NBAS: variants seen among roughly 807,000 people sequenced by gnomAD.
NBAS encodes the protein NAG/BC035112 fusion.
NBAS carries 219 observed loss-of-function variants against 302.5 expected under a neutral mutation model. That is an observed-to-expected ratio of 0.72 (90% CI 0.65 to 0.81). The LOEUF is 0.81. Among genes scored for constraint, NBAS ranks in the 30% least tolerant of loss-of-function variants. The pLI, the probability that NBAS is intolerant of heterozygous loss-of-function variation, is 0.00. For missense variants in NBAS, 2,932 were observed against 2,841.6 expected, an observed-to-expected ratio of 1.03 and a Z score of -0.72; for synonymous variants, 1,118 against 1,021.6, an observed-to-expected ratio of 1.09 and a Z score of -1.80.
intron 40 of NBAS, among the ~76,000 whole-genome samples, chr2:15,298,480 G>C (rs918100835): frequency 6.6e-6 from 1 of 152,090 alleles, no homozygotes; most frequent in Non-Finnish European, 1.5e-5. Context: ...TAAAACTGAA[G>C]CAATTTCTTC....
At chr2:14,943,146 T>C in the NBAS span, among the ~76,000 whole-genome samples, 6 of 152,216 alleles carry the variant, frequency 3.9e-5, no homozygotes, top group African/African-American at 1.2e-4. Flanking sequence ...AAATGAGCCG[T>C]TCTAATGCAA....
the NBAS span, among the ~76,000 whole-genome samples, chr2:15,062,909 T>C: frequency 6.6e-6 from 1 of 152,094 alleles, no homozygotes; most frequent in Non-Finnish European, 1.5e-5. Flanking sequence ...GGAGGAGAGA[T>C]TCAGGAATCC....
the NBAS span, among the ~76,000 whole-genome samples, chr2:14,842,961 A>G: frequency 6.6e-6 from 1 of 152,196 alleles, no homozygotes; most frequent in Non-Finnish European, 1.5e-5. Flanking sequence ...AAAAAAGATC[A>G]TTCACAATAA....
the NBAS span, among the ~76,000 whole-genome samples, chr2:15,094,747 C>T: frequency 4.5e-4 from 68 of 152,242 alleles, no homozygotes; most frequent in Non-Finnish European, 7.6e-4. Flanking sequence ...AAAATGCTCC[C>T]GCCGGCCCTT....
chr2:15,303,304 G>A (rs1307096925), intron 40 of NBAS, among the ~76,000 whole-genome samples: 1 of 152,078 alleles, frequency 6.6e-6, no homozygotes, highest in East Asian at 1.9e-4. Context: ...GGGGTAAGAG[G>A]GAGAAAGGAA....
At chr2:15,488,403 C>T (rs908894111) in intron 12 of NBAS, among the ~76,000 whole-genome samples, 2 of 152,122 alleles carry the variant, frequency 1.3e-5, no homozygotes, top group African/African-American at 4.8e-5. Flanking sequence ...TCCTTAAAAC[C>T]TATCATTCCA....
At chr2:15,481,459 C>T (rs1027929990) in intron 12 of NBAS, among the ~76,000 whole-genome samples, 1 of 152,194 alleles carries the variant, frequency 6.6e-6, no homozygotes, top group Admixed American at 6.5e-5. Context: ...ACACTGTAAA[C>T]TGGTGCTCCG....
In NBAS at chr2:15,461,197, A is replaced by C; in HGVS notation, c.2339+4T>G. 1 of 1,613,496 alleles carries C rather than the reference A, an allele frequency of 6.2e-7. No homozygotes were observed. Among genetic ancestry groups the C allele is most frequent in the South Asian group, 1.1e-5 (1 of 91,062 alleles). ...GGTAAAATTCTGTTAACATAGTCAC[A>C]TACCAAGCTTCGGGCAGCAAAACAG... On this transcript the variant is annotated splice_donor_region_variant and intron_variant, in intron 21 of 51. Transcript: ENST00000281513.
intron 16 of NBAS, among the ~76,000 whole-genome samples, chr2:15,468,806 A>G (rs1679835322): frequency 1.3e-5 from 2 of 152,224 alleles, no homozygotes; most frequent in African/African-American, 4.8e-5. Context: ...TTGGAAATAT[A>G]AAATGTTTCC....
the NBAS span, among the ~76,000 whole-genome samples, chr2:14,910,327 C>A: frequency 8.5e-5 from 13 of 152,196 alleles, no homozygotes; most frequent in Non-Finnish European, 1.2e-4. Context: ...AATTCAAATC[C>A]AGCTCTCCTT....
At chr2:15,070,791 G>A in the NBAS span, among the ~76,000 whole-genome samples, 2 of 152,068 alleles carry the variant, frequency 1.3e-5, no homozygotes, top group African/African-American at 2.4e-5. Context: ...GTTGTTACAA[G>A]ACTTACCTGA....
Position 15,186,146 on chromosome 2 carries a change from TTATG to T in NBAS, c.6711+592_6711+595del, listed in dbSNP as rs1410921602. On this transcript the variant is annotated intron_variant, in intron 50 of 51. Coordinates refer to ENST00000281513, the MANE Select transcript of NBAS (RefSeq NM_015909.4). ...TATGTGTGTATATATATATATACACTTATGTATGTGTGTCTGTGTGTGTGTATAT... is the reference window on the plus strand; with the variant it reads ...TATGTGTGTATATATATATATACACTTATGTGTGTCTGTGTGTGTGTATAT... Among the ~76,000 whole-genome samples the T allele has an allele frequency of 1.3e-3, 199 of 149,330 alleles. 2 individuals are homozygous for T. The highest frequency in any genetic ancestry group is 4.5e-3 in the African/African-American group (181 of 40,590).
the NBAS span, among the ~76,000 whole-genome samples, chr2:15,096,619 G>C: frequency 6.6e-6 from 1 of 152,080 alleles, no homozygotes; most frequent in Non-Finnish European, 1.5e-5. Flanking sequence ...GGGTTCAAAG[G>C]CTGTTCTCCT....
At chr2:14,803,495 C>A in the NBAS span, among the ~76,000 whole-genome samples, 1 of 152,184 alleles carries the variant, frequency 6.6e-6, no homozygotes, top group Non-Finnish European at 1.5e-5. Context: ...CTCTGTACTG[C>A]ATTTTGGAAA....
At chr2:15,228,485 G>C (rs771598532) in intron 47 of NBAS, among the ~76,000 whole-genome samples, 3 of 152,198 alleles carry the variant, frequency 2.0e-5, no homozygotes, top group South Asian at 4.1e-4. Flanking sequence ...TCCCGTTACT[G>C]AGTATACATC....
chr2:15,503,264 C>G (rs1661665710), intron 11 of NBAS, among the ~76,000 whole-genome samples: 1 of 151,986 alleles, frequency 6.6e-6, no homozygotes, highest in African/African-American at 2.4e-5. Flanking sequence ...GGAGTACTCT[C>G]TAAAATAATG....
intron 12 of NBAS, among the ~76,000 whole-genome samples, chr2:15,488,486 C>T (rs1036282541): frequency 3.9e-5 from 6 of 152,134 alleles, no homozygotes; most frequent in Non-Finnish European, 8.8e-5. Flanking sequence ...AGGTAACTCC[C>T]TTCAAGGAGG....
At chr2:15,185,943 A>G (rs968271003) in intron 50 of NBAS, among the ~76,000 whole-genome samples, 5 of 152,138 alleles carry the variant, frequency 3.3e-5, no homozygotes, top group Non-Finnish European at 7.4e-5. Context: ...ATTTAATGCC[A>G]TTATCCAAAT....
chr2:15,387,812 T>G (rs1270932278), intron 28 of NBAS, among the ~76,000 whole-genome samples: 1 of 152,066 alleles, frequency 6.6e-6, no homozygotes, highest in East Asian at 1.9e-4. Context: ...TTGTTTGTTT[T>G]TTGTAAAAAC....
Sources: gnomAD v4.1 joint callset for allele counts (sites outside exome capture counted in the v4.1 genomes callset) on GRCh38, gnomAD v4.1.1 for gene constraint, MANE v1.5 for transcripts, NCBI Gene and HGNC (gene_info 2026-07-23, HGNC 2026-07-21) for gene names.